The following PSMA3 variants were observed in gnomAD, a reference collection of about 807,000 sequenced individuals.
The protein encoded by PSMA3 is proteasome subunit alpha type-3.
PSMA3 carries 8 observed loss-of-function variants against 40.0 expected under a neutral mutation model. That is an observed-to-expected ratio of 0.20 (90% CI 0.12 to 0.36). The LOEUF (loss-of-function observed/expected upper bound fraction) is 0.36. Among genes scored for constraint, PSMA3 ranks in the 10% least tolerant of loss-of-function variants. The pLI is 1.00. For missense variants in PSMA3, 219 were observed against 310.6 expected, an observed-to-expected ratio of 0.70 and a Z score of 2.22; for synonymous variants, 110 against 100.0, an observed-to-expected ratio of 1.10 and a Z score of -0.59.
intron 5 of PSMA3, among the ~76,000 whole-genome samples, chr14:58,259,184 T>G (rs1890213977): frequency 6.6e-6 from 1 of 152,226 alleles, no homozygotes; most frequent in Admixed American, 6.5e-5. Flanking sequence ...TAAATTACAT[T>G]ATGAAACACT....
chr14:58,263,520 T>C (rs573022559), intron 6 of PSMA3, 185 bp from the exon 7 acceptor site: 3 of 448,882 alleles, frequency 6.7e-6, no homozygotes, highest in Admixed American at 4.0e-5. Flanking sequence ...TGTTTTGGAA[T>C]TGTTTGGTAT....
chr14:58,260,322 CAAG>C (rs1890245956), intron 5 of PSMA3, among the ~76,000 whole-genome samples: 1 of 152,114 alleles, frequency 6.6e-6, no homozygotes, highest in Admixed American at 6.6e-5. Context: ...GGAATAATGA[CAAG>C]AAAATCACAG....
At chr14:58,271,583 T>C (rs1315513171) in intron 10 of PSMA3, among the ~76,000 whole-genome samples, 3 of 152,114 alleles carry the variant, frequency 2.0e-5, no homozygotes, top group Admixed American at 6.6e-5. Flanking sequence ...ATCTGCCTAC[T>C]TTGGCCCCCG....
intron 3 of PSMA3, among the ~76,000 whole-genome samples, chr14:58,254,263 C>G (rs1159266151): frequency 7.4e-6 from 1 of 134,542 alleles, no homozygotes; most frequent in Non-Finnish European, 1.6e-5. Flanking sequence ...TGTAACCTAG[C>G]TAGTAGGAGG....
chr14:58,263,863 C>T, intron 7 of PSMA3, 93 bp downstream of exon 7: 1 of 1,151,476 alleles, frequency 8.7e-7, no homozygotes, highest in East Asian at 2.4e-5. Flanking sequence ...CAGGGATGTC[C>T]AATCATTTGG....
chr14:58,247,719 A>G (rs1374124081), intron 1 of PSMA3, 31 bp from the exon 2 acceptor site: 5 of 1,435,508 alleles, frequency 3.5e-6, no homozygotes, highest in Non-Finnish European at 2.9e-6. Context: ...TGCCAAAGAT[A>G]CAAGCTTACT....
At chr14:58,256,813 A>T (rs757292048) in intron 3 of PSMA3, among the ~76,000 whole-genome samples, 10 of 152,084 alleles carry the variant, frequency 6.6e-5, no homozygotes, top group Non-Finnish European at 1.3e-4. Flanking sequence ...ACCTGTAATA[A>T]CTTTAGAGAA....
chr14:58,249,824 T>A (rs1237892637), intron 2 of PSMA3, among the ~76,000 whole-genome samples: 2 of 152,326 alleles, frequency 1.3e-5, no homozygotes, highest in East Asian at 3.9e-4. Flanking sequence ...TGAATTCTTA[T>A]GAAAATAATT....
chr14:58,248,227 TC>T (rs535228156), intron 2 of PSMA3, among the ~76,000 whole-genome samples: 148 of 152,356 alleles, frequency 9.7e-4, no homozygotes, highest in Non-Finnish European at 1.8e-3. Context: ...AAAGATTTTT[TC>T]TATGTCTGTT....
chr14:58,264,005 G>A (rs1890360589), intron 7 of PSMA3, among the ~76,000 whole-genome samples: 1 of 152,156 alleles, frequency 6.6e-6, no homozygotes, highest in African/African-American at 2.4e-5. Context: ...GGGGAAGCTC[G>A]GTGTAAGGAT....
chr14:58,267,239 C>A (rs1021875488), intron 7 of PSMA3: 6 of 552,148 alleles, frequency 1.1e-5, no homozygotes, highest in African/African-American at 1.0e-4. Flanking sequence ...TGACTTCAGG[C>A]AATCCGGCCG....
rs1313212462 is a variant in PSMA3 at position 58,244,939 on chromosome 14, G to T, written c.19G>T (p.Gly7Trp). The change falls in exon 1 of 11, where the codon GGG (glycine) becomes TGG (tryptophan). Residue 7 changes from glycine to tryptophan, a missense_variant and splice_region_variant. By Grantham distance (184) the Gly-to-Trp change is radical. Transcript: ENST00000216455. MSSIGTGYDLSASTFSP... is the reference protein window; with the variant it reads MSSIGTWYDLSASTFSP... ...TAGCACGATGAGCTCAATCGGCACT[G>T]GGGTGAGTTCGCTGTCTGTCGGTGT... The T allele has an allele frequency of 6.2e-7, 1 of 1,614,092 alleles. No homozygotes were observed. Among genetic ancestry groups the T allele is most frequent in the Non-Finnish European group, 8.5e-7 (1 of 1,180,044 alleles).
intron 1 of PSMA3, 60 bp from the exon 2 acceptor site, chr14:58,247,690 G>A: frequency 3.4e-6 from 4 of 1,163,570 alleles, no homozygotes; most frequent in East Asian, 2.4e-5. Context: ...TAGAGGGGAA[G>A]AAACTGTATG....
intron 7 of PSMA3, among the ~76,000 whole-genome samples, chr14:58,264,453 C>T (rs980381384): frequency 3.3e-5 from 5 of 152,066 alleles, no homozygotes; most frequent in Admixed American, 1.3e-4. Context: ...TTTAGCCATG[C>T]GTTGATCAAC....
chr14:58,265,823 C>T (rs1890424897), intron 7 of PSMA3: 1 of 152,218 alleles, frequency 6.6e-6, no homozygotes, highest in Non-Finnish European at 1.5e-5. Flanking sequence ...TCCCATCACG[C>T]TCAACTTAAC....
chr14:58,247,993 C>T (rs1183964302), intron 2 of PSMA3, among the ~76,000 whole-genome samples, 161 bp downstream of exon 2: 1 of 152,148 alleles, frequency 6.6e-6, no homozygotes, highest in Non-Finnish European at 1.5e-5. Context: ...TCCATGAGCC[C>T]CAGTCCTATA....
At chr14:58,256,847 G>T (rs940637241) in intron 3 of PSMA3, among the ~76,000 whole-genome samples, 1 of 151,942 alleles carries the variant, frequency 6.6e-6, no homozygotes, top group Non-Finnish European at 1.5e-5. Flanking sequence ...GGCCGGGCAC[G>T]GCGGCTCACA....
intron 10 of PSMA3, among the ~76,000 whole-genome samples, chr14:58,271,230 C>CTAGTGGG (rs1594835939): frequency 6.9e-6 from 1 of 145,500 alleles, no homozygotes; most frequent in East Asian, 2.0e-4. Context: ...TAGGTTATCT[C>CTAGTGGG]TAGTGGGTAA....
chr14:58,253,822 G>C (rs925981838), intron 3 of PSMA3, among the ~76,000 whole-genome samples: 2 of 152,104 alleles, frequency 1.3e-5, no homozygotes, highest in Non-Finnish European at 2.9e-5. Context: ...TCGGACTCCT[G>C]AACTCCAGTG....
Sources: gnomAD v4.1 joint callset for allele counts (sites outside exome capture counted in the v4.1 genomes callset) on GRCh38, gnomAD v4.1.1 for gene constraint, MANE v1.5 for transcripts, NCBI Gene and HGNC (gene_info 2026-07-23, HGNC 2026-07-21) for gene names.